PRRC2B: variants seen among roughly 807,000 people sequenced by gnomAD.
PRRC2B encodes the protein proline rich coiled-coil 2B.
A neutral mutation model predicts 242.3 loss-of-function variants in PRRC2B; 68 were observed. That is an observed-to-expected ratio of 0.28 (90% CI 0.23 to 0.34). The LOEUF is 0.34. Ranked by LOEUF, PRRC2B falls within the 10% of genes least tolerant of loss-of-function variation. The pLI is 1.00. For synonymous variants in PRRC2B, 1,228 were observed against 1,173.6 expected, an observed-to-expected ratio of 1.05 and a Z score of -0.95; for missense variants, 2,835 against 2,954.8, an observed-to-expected ratio of 0.96 and a Z score of 0.94.
At chr9:131,486,317 G>A (rs1175561295) in intron 26 of PRRC2B, 135 bp downstream of exon 26, 1 of 827,756 alleles carries the variant, frequency 1.2e-6, no homozygotes, top group Non-Finnish European at 1.9e-6. Flanking sequence ...CCAGCACCTG[G>A]CCCGCCACGG....
At position 131,487,833 on chromosome 9, in the gene PRRC2B, G is replaced by A. The variant is rs375925585; in HGVS notation, c.5985-23G>A. ...CAGCTGGACTCATCCACCTGATCCCGACCATCTGTCTGGCTTTTGCAGATC... is the reference window on the plus strand; with the variant it reads ...CAGCTGGACTCATCCACCTGATCCCAACCATCTGTCTGGCTTTTGCAGATC... On this transcript the variant is annotated intron_variant, in intron 27 of 31. Coordinates refer to ENST00000683519, the MANE Select transcript of PRRC2B (RefSeq NM_013318.4). The surrounding 1 kb of genome is among the most constrained non-coding windows in gnomAD (Gnocchi z 5.3). 8.8e-6 allele frequency: 14 copies of A among 1,595,592 alleles called. No individual in the cohort carries two copies. Among genetic ancestry groups the A allele is most frequent in the East Asian group, 4.5e-5 (2 of 44,406 alleles).
intron 22 of PRRC2B, 82 bp from the exon 23 acceptor site, chr9:131,483,277 T>G (rs1471030878): frequency 7.6e-7 from 1 of 1,321,304 alleles, no homozygotes. Context: ...TCGGGGAAAC[T>G]GCATCACGTT....
chr9:131,470,504 A>T (rs1458425521), intron 13 of PRRC2B, among the ~76,000 whole-genome samples: 12 of 152,156 alleles, frequency 7.9e-5, no homozygotes, highest in African/African-American at 2.7e-4. Context: ...GGAGTGTCTG[A>T]TCTAGGTGAA....
At chr9:131,455,412 G>A (rs1235521677) in intron 10 of PRRC2B, among the ~76,000 whole-genome samples, 3 of 151,676 alleles carry the variant, frequency 2.0e-5, no homozygotes, top group African/African-American at 4.8e-5. Context: ...CCCCAGGTGT[G>A]TTATGCAGAC....
chr9:131,490,725 G>A (rs1588283985), intron 28 of PRRC2B: 2 of 401,580 alleles, frequency 5.0e-6, no homozygotes, highest in Admixed American at 2.9e-5. Flanking sequence ...CCCACAGTCT[G>A]GAATCCAGCC....
intron 9 of PRRC2B, among the ~76,000 whole-genome samples, chr9:131,449,787 G>T (rs1225431235): frequency 6.6e-6 from 1 of 151,880 alleles, no homozygotes; most frequent in Non-Finnish European, 1.5e-5. Flanking sequence ...TTATTTTTGT[G>T]TCCTGTTTAA....
At chr9:131,432,266 A>G (rs1470965404) in intron 2 of PRRC2B, among the ~76,000 whole-genome samples, 1 of 152,100 alleles carries the variant, frequency 6.6e-6, no homozygotes, top group African/African-American at 2.4e-5. Context: ...ATGAGACCAG[A>G]GCTGTCTCAA....
intron 15 of PRRC2B, 127 bp downstream of exon 15, chr9:131,473,851 C>A: frequency 3.0e-6 from 2 of 664,368 alleles, no homozygotes; most frequent in Non-Finnish European, 5.1e-6. Flanking sequence ...CTTGAAGGGA[C>A]TCCTGGTTCC....
At chr9:131,413,673 CATT>C (rs1291689851) in intron 1 of PRRC2B, among the ~76,000 whole-genome samples, 1 of 149,720 alleles carries the variant, frequency 6.7e-6, no homozygotes, top group Non-Finnish European at 1.5e-5. Context: ...CTAATCAAAG[CATT>C]ATTTTGTTTT....
rs780958649 is a variant in PRRC2B, at chr9:131,478,615, T to C, written c.4754T>C (p.Val1585Ala). Reference protein sequence around the residue: ...EEERRKKEQAVQVPVKGRGLS... With the variant: ...EEERRKKEQAAQVPVKGRGLS... Reference sequence around the variant, plus strand: ...GAGAGAAGAAAGAAGGAGCAGGCCGTGCAGGTGAGGGGCGGAGGGTGGGGG... The same window carrying C: ...GAGAGAAGAAAGAAGGAGCAGGCCGCGCAGGTGAGGGGCGGAGGGTGGGGG... Residue 1585 changes from valine (V) to alanine (A), a missense_variant, in exon 18 of 32, where the codon GTG becomes GCG. Transcript: ENST00000683519. 7.4e-6 allele frequency: 4 copies of C among 537,496 alleles called. No homozygotes were observed. The highest frequency in any genetic ancestry group is 7.3e-5 in the South Asian group (4 of 55,002). 33.3% of individuals were successfully genotyped at this position (537,496 alleles called of 1,614,324 possible). A position where few individuals can be genotyped will look rare whatever the true frequency, so the allele number is the denominator to read the frequency against.
At chr9:131,483,572 T>C (rs2131465714) in intron 23 of PRRC2B, 127 bp downstream of exon 23, 1 of 816,304 alleles carries the variant, frequency 1.2e-6, no homozygotes, top group Middle Eastern at 3.5e-4. Context: ...AGCAGCTCCA[T>C]GTCCTTAAAA....
chr9:131,423,710 C>G (rs933012), intron 1 of PRRC2B, among the ~76,000 whole-genome samples: 53,350 of 152,170 alleles, frequency 0.35, 10,142 homozygotes, highest in Middle Eastern at 0.45. Context: ...GCTTATTTCT[C>G]TTCAGGCTGC....
intron 2 of PRRC2B, 45 bp from the exon 3 acceptor site, chr9:131,432,572 G>C: frequency 6.4e-7 from 1 of 1,572,116 alleles, no homozygotes; most frequent in Non-Finnish European, 8.7e-7. Context: ...CTTTCCTTCT[G>C]TGACCTTTTT....
At chr9:131,488,334 G>A (rs925067818) in intron 28 of PRRC2B, among the ~76,000 whole-genome samples, 1 of 151,526 alleles carries the variant, frequency 6.6e-6, no homozygotes, top group African/African-American at 2.4e-5. Context: ...CATGATCTCG[G>A]CTCACTACAA....
chr9:131,434,609 G>A (rs1838283114), intron 3 of PRRC2B, among the ~76,000 whole-genome samples: 1 of 152,232 alleles, frequency 6.6e-6, no homozygotes, highest in South Asian at 2.1e-4. Flanking sequence ...CCGATCAGTA[G>A]CCTTCTGTTT....
intron 1 of PRRC2B, among the ~76,000 whole-genome samples, chr9:131,429,866 C>T (rs1482997246): frequency 1.3e-5 from 2 of 151,898 alleles, no homozygotes; most frequent in African/African-American, 2.4e-5. Context: ...GGGGGGTACT[C>T]CACAGATCGC....
chr9:131,390,994 T>C (rs886454708), upstream of PRRC2B, among the ~76,000 whole-genome samples: 69 of 149,072 alleles, frequency 4.6e-4, no homozygotes, highest in Middle Eastern at 3.3e-3. Flanking sequence ...ACCATGTTGG[T>C]CAGGCTGGTC....
At chr9:131,390,608 G>T (rs1341115474), upstream of PRRC2B, among the ~76,000 whole-genome samples, 3 of 141,896 alleles carry the variant, frequency 2.1e-5, no homozygotes, top group African/African-American at 7.8e-5. Flanking sequence ...TCAGCCTCCC[G>T]AGTAGCTGGG....
intron 1 of PRRC2B, among the ~76,000 whole-genome samples, chr9:131,387,006 C>CT (rs1356473927): frequency 8.0e-5 from 12 of 149,098 alleles, no homozygotes; most frequent in African/African-American, 2.9e-4. Context: ...TTCTTTCTTT[C>CT]TTTCTTTCTT....
Sources: gnomAD v4.1 joint callset for allele counts (sites outside exome capture counted in the v4.1 genomes callset) on GRCh38, gnomAD v4.1.1 for gene constraint, Gnocchi (gnomAD v3.1) non-coding constraint, MANE v1.5 for transcripts, NCBI Gene and HGNC (gene_info 2026-07-23, HGNC 2026-07-21) for gene names.